UNC79: variants seen among roughly 807,000 people sequenced by gnomAD.
UNC79 encodes protein unc-79 homolog.
In UNC79, 37 loss-of-function variants were observed where a neutral mutation model predicts 283.1. That is an observed-to-expected ratio of 0.13 (90% CI 0.10 to 0.17). The LOEUF is 0.17. Among genes scored for constraint, UNC79 ranks in the 10% least tolerant of loss-of-function variants. The probability of loss-of-function intolerance (pLI) is 1.00; values close to 1 mark genes in which losing one functional copy is unlikely to be tolerated. For synonymous variants in UNC79, 1,107 were observed against 1,200.2 expected, an observed-to-expected ratio of 0.92 and a Z score of 1.61; for missense variants, 2,272 against 3,211.1, an observed-to-expected ratio of 0.71 and a Z score of 7.07.
intron 38 of UNC79, among the ~76,000 whole-genome samples, chr14:93,655,651 A>C (rs1484908638): frequency 6.8e-6 from 1 of 146,472 alleles, no homozygotes; most frequent in East Asian, 1.9e-4. Flanking sequence ...TTTGAAAAAA[A>C]AAAAAAAAAA....
intron 13 of UNC79, among the ~76,000 whole-genome samples, chr14:93,541,791 G>T (rs2061384916): frequency 6.6e-6 from 1 of 152,108 alleles, no homozygotes; most frequent in Non-Finnish European, 1.5e-5. Flanking sequence ...AGATCACGAG[G>T]TCGGGAGATC....
At chr14:93,377,795 T>C (rs182851262) in intron 1 of UNC79, among the ~76,000 whole-genome samples, 29 of 152,318 alleles carry the variant, frequency 1.9e-4, no homozygotes, top group African/African-American at 7.0e-4. Context: ...AAGATGTGTA[T>C]TGACCATCAG....
intron 2 of UNC79, among the ~76,000 whole-genome samples, chr14:93,472,737 G>A (rs952898524): frequency 1.4e-4 from 21 of 152,046 alleles, no homozygotes; most frequent in Non-Finnish European, 1.9e-4. Context: ...TGACATCACT[G>A]TAAAATTGTA....
chr14:93,439,182 A>G (rs2056202363), intron 1 of UNC79, among the ~76,000 whole-genome samples: 2 of 151,872 alleles, frequency 1.3e-5, no homozygotes, highest in African/African-American at 4.8e-5. Context: ...TTTCTACTCA[A>G]TTTTTATGCC....
chr14:93,428,918 A>G (rs867058760), upstream of UNC79, among the ~76,000 whole-genome samples: 1 of 152,204 alleles, frequency 6.6e-6, no homozygotes, highest in African/African-American at 2.4e-5. Context: ...CCATGACTTA[A>G]CACCATTATA....
chr14:93,697,651 A>G (rs2075244931), intron 47 of UNC79, among the ~76,000 whole-genome samples: 1 of 152,040 alleles, frequency 6.6e-6, no homozygotes, highest in Non-Finnish European at 1.5e-5. Flanking sequence ...CATGCCTGTA[A>G]TCCTAGTGCT....
chr14:93,638,338 G>A (rs1262715494), intron 32 of UNC79, among the ~76,000 whole-genome samples: 1 of 152,142 alleles, frequency 6.6e-6, no homozygotes. Context: ...TCTCATCTAT[G>A]GGGCTAGGAA....
At chr14:93,627,989 T>C (rs1305179898) in intron 30 of UNC79, among the ~76,000 whole-genome samples, 2 of 152,182 alleles carry the variant, frequency 1.3e-5, no homozygotes, top group Non-Finnish European at 2.9e-5. Context: ...CTCCTGACTT[T>C]AGAAAAAATG....
In UNC79 at chr14:93,578,160, T is replaced by C. The variant is rs189812760; in HGVS notation, c.2433+97T>C. 5.5e-5 allele frequency: 64 copies of C among 1,159,136 alleles called. No homozygotes were observed. In the East Asian group the frequency reaches 1.5e-3, roughly 28 times the overall value. 71.8% of individuals were successfully genotyped at this position (1,159,136 alleles called of 1,614,324 possible). On this transcript the variant is annotated intron_variant, in intron 18 of 48. Coordinates refer to ENST00000555664, the Ensembl canonical transcript of UNC79. The stretch of plus-strand genomic sequence containing the variant: ...CATGTGTTGGGCATCTCCACACTTA[T>C]CAAAATGATTCAGCATCACCCAAGA...
chr14:93,699,929 C>T (rs1258572669), intron 47 of UNC79, among the ~76,000 whole-genome samples: 1 of 152,018 alleles, frequency 6.6e-6, no homozygotes, highest in East Asian at 1.9e-4. Context: ...TCCTTCTGCC[C>T]AAAGGATTTT....
exon 27 of UNC79, chr14:93,612,957 C>T: frequency 6.2e-7 from 1 of 1,614,108 alleles, no homozygotes; most frequent in Non-Finnish European, 8.5e-7. Flanking sequence ...CAAAGGCCTT[C>T]AACACGGTCA....
intron 35 of UNC79, 63 bp from the exon 39 acceptor site, chr14:93,653,679 A>G: frequency 2.1e-6 from 3 of 1,459,114 alleles, no homozygotes; most frequent in Non-Finnish European, 2.8e-6. Flanking sequence ...ACTCTAAGTA[A>G]ATATCTGAAC....
exon 26 of UNC79, chr14:93,603,382 G>C (rs972579106): frequency 5.0e-6 from 8 of 1,614,022 alleles, no homozygotes; most frequent in African/African-American, 1.3e-5. Flanking sequence ...ATCCAAGAGG[G>C]CGCTCTCCCT....
chr14:93,347,126 TG>T, intron 1 of UNC79: 1 of 778,970 alleles, frequency 1.3e-6, no homozygotes. Flanking sequence ...GCAGAAGGGG[TG>T]GGGTAGGGGG....
chr14:93,560,124 C>T (rs974170490), intron 14 of UNC79, among the ~76,000 whole-genome samples: 3 of 151,706 alleles, frequency 2.0e-5, no homozygotes, highest in South Asian at 2.1e-4. Flanking sequence ...AGAAACTAAA[C>T]GGAAGGTACA....
intron 14 of UNC79, among the ~76,000 whole-genome samples, chr14:93,551,207 G>A (rs2061880014): frequency 6.6e-6 from 1 of 152,114 alleles, no homozygotes; most frequent in Admixed American, 6.5e-5. Flanking sequence ...CCGTCACTAA[G>A]CCCGGCTAAT....
At chr14:93,465,209 G>A (rs1228166782) in intron 1 of UNC79, among the ~76,000 whole-genome samples, 1 of 152,004 alleles carries the variant, frequency 6.6e-6, no homozygotes, top group Non-Finnish European at 1.5e-5. Context: ...TCTATCGTAT[G>A]TCTATATGCA....
At chr14:93,570,041 G>A (rs1356196501) in intron 14 of UNC79, among the ~76,000 whole-genome samples, 1 of 151,980 alleles carries the variant, frequency 6.6e-6, no homozygotes, top group Non-Finnish European at 1.5e-5. Flanking sequence ...CAAACTTCTG[G>A]GCTCAGTCGA....
chr14:93,523,802 G>A (rs865943556), intron 7 of UNC79, among the ~76,000 whole-genome samples, 176 bp from the exon 8 acceptor site: 1 of 152,144 alleles, frequency 6.6e-6, no homozygotes, highest in Non-Finnish European at 1.5e-5. Flanking sequence ...AAAATGGATG[G>A]AGTTGTATAT....
Sources: allele counts gnomAD v4.1 joint callset (sites outside exome capture counted in the v4.1 genomes callset), GRCh38; gene constraint gnomAD v4.1.1; transcripts MANE v1.5; gene names NCBI Gene and HGNC (gene_info 2026-07-23, HGNC 2026-07-21).